TGM2: variants seen among roughly 807,000 people sequenced by gnomAD.
The protein encoded by TGM2 is transglutaminase 2.
Under a neutral mutation model 75.6 loss-of-function variants are expected in TGM2, and 53 were observed. The observed-to-expected ratio is 0.70, with a 90% CI of 0.56 to 0.88. The LOEUF (loss-of-function observed/expected upper bound fraction) is 0.88. Among genes scored for constraint, TGM2 ranks in the 40% least tolerant of loss-of-function variants. The pLI is 0.00. For missense variants in TGM2, 842 were observed against 928.5 expected (o/e 0.91, Z 1.21); for synonymous variants, 374 against 381.1 (o/e 0.98, Z 0.22).
At chr20:38,168,438 A>G (rs2075326073), upstream of TGM2, among the ~76,000 whole-genome samples, 1 of 152,164 alleles carries the variant, frequency 6.6e-6, no homozygotes, top group African/African-American at 2.4e-5. Flanking sequence ...TGGCCTCAAG[A>G]TCCCCAGACA....
At chr20:38,149,784 A>C (rs1171402034) in intron 4 of TGM2, among the ~76,000 whole-genome samples, 3 of 152,016 alleles carry the variant, frequency 2.0e-5, no homozygotes, top group African/African-American at 7.3e-5. Flanking sequence ...ATCAGAGCCA[A>C]TTCATTTTCT....
rs144545317 is a variant in TGM2 at position 38,153,698 on chromosome 20, C to T, written c.433+2149G>A. Among the ~76,000 whole-genome samples, 254 of 152,200 alleles carry T rather than the reference C, an allele frequency of 1.7e-3. 5 individuals are homozygous for T. Among genetic ancestry groups the T allele is most frequent in the African/African-American group, 6.0e-3 (248 of 41,530 alleles). On this transcript the variant is annotated intron_variant, in intron 3 of 12. Coordinates refer to ENST00000361475, the MANE Select transcript of TGM2 (RefSeq NM_004613.4). ...AGACCTATAAAATACAGCAATTTCT[C>T]CAGGCACATACAGACTGACCTAAGG...
In TGM2 at chr20:38,165,223, T is replaced by C. The variant is rs2075299105; in HGVS notation, c.-25A>G. The C allele has an allele frequency of 6.2e-7, 1 of 1,612,754 alleles. No homozygotes were observed. Among genetic ancestry groups the C allele is most frequent in the Non-Finnish European group, 8.5e-7 (1 of 1,179,824 alleles). The stretch of plus-strand genomic sequence containing the variant: ...TGGTCGGGCGGGGGCGGTGGCTCCT[T>C]CCACTGGCGGCGAGACCCTCCAAGT... On this transcript the variant is annotated 5_prime_UTR_variant, in exon 1 of 13. Coordinates refer to ENST00000361475, the MANE Select transcript of TGM2 (RefSeq NM_004613.4).
chr20:38,141,563 C>T (rs2074975761), intron 7 of TGM2, among the ~76,000 whole-genome samples, 178 bp from the exon 8 acceptor site: 1 of 152,042 alleles, frequency 6.6e-6, no homozygotes, highest in South Asian at 2.1e-4. Flanking sequence ...TCACAGCACC[C>T]TCTCTAGCCA....
chr20:38,162,533 A>C (rs928813710), intron 1 of TGM2, among the ~76,000 whole-genome samples: 1 of 152,256 alleles, frequency 6.6e-6, no homozygotes. Context: ...TGAAAAAAAC[A>C]TTGAAGAGAG....
intron 10 of TGM2, 139 bp from the exon 11 acceptor site, chr20:38,132,639 C>A: frequency 8.4e-7 from 1 of 1,186,458 alleles, no homozygotes; most frequent in Admixed American, 1.7e-5. Flanking sequence ...GATCCCTGAA[C>A]TCCCCACTGT....
chr20:38,163,979 A>T (rs1433960601), intron 1 of TGM2, among the ~76,000 whole-genome samples: 1 of 152,094 alleles, frequency 6.6e-6, no homozygotes, highest in Non-Finnish European at 1.5e-5. Context: ...GATTTATAGG[A>T]TTTCTGCACT....
At chr20:38,151,131 G>C in intron 3 of TGM2, 74 bp from the exon 4 acceptor site, 1 of 1,144,020 alleles carries the variant, frequency 8.7e-7, no homozygotes, top group Non-Finnish European at 1.3e-6. Context: ...TGGAGTCAAG[G>C]GTGCCAATTC....
intron 8 of TGM2, among the ~76,000 whole-genome samples, chr20:38,141,062 G>T (rs986367411): frequency 1.3e-5 from 2 of 152,156 alleles, no homozygotes; most frequent in African/African-American, 2.4e-5. Context: ...TTTTCTTTGA[G>T]CTTCTCTGTA....
intron 10 of TGM2, among the ~76,000 whole-genome samples, chr20:38,137,287 C>A (rs1372039821): frequency 2.0e-5 from 3 of 152,124 alleles, no homozygotes; most frequent in Non-Finnish European, 4.4e-5. Context: ...GAGTCCGAGA[C>A]CAGCCTGGCC....
At chr20:38,159,870 T>C (rs774853856) in intron 2 of TGM2, among the ~76,000 whole-genome samples, 2 of 152,260 alleles carry the variant, frequency 1.3e-5, no homozygotes, top group Non-Finnish European at 2.9e-5. Flanking sequence ...CCCACAGATG[T>C]TGTGATTTTC....
chr20:38,141,539 C>G (rs6098085), intron 7 of TGM2, among the ~76,000 whole-genome samples, 154 bp from the exon 8 acceptor site: 7,331 of 152,170 alleles, frequency 0.048, 505 homozygotes, highest in African/African-American at 0.16. Context: ...TTCTTCCCCC[C>G]ACGGGGGCCC....
chr20:38,164,514 AG>A (rs1422751465), intron 1 of TGM2, among the ~76,000 whole-genome samples: 5 of 152,092 alleles, frequency 3.3e-5, no homozygotes, highest in Non-Finnish European at 7.4e-5. Flanking sequence ...GATGCACCAA[AG>A]GCTGGAGCAG....
At chr20:38,165,600 C>T (rs539123425), upstream of TGM2, among the ~76,000 whole-genome samples, 8 of 151,880 alleles carry the variant, frequency 5.3e-5, no homozygotes, top group African/African-American at 1.7e-4. Flanking sequence ...ACAACGGAAC[C>T]GGGGTGCACC....
At position 38,142,206 on chromosome 20, in the gene TGM2, G is replaced by A; in HGVS notation, c.860-7C>T. ...ATGCCCAGGCACCTCAGCACTGTTG[G>A]AGAGGAGTGGAAAGCGGGGTGAGGT... On this transcript the variant is annotated splice_region_variant and splice_polypyrimidine_tract_variant and intron_variant, in intron 6 of 12. Coordinates refer to ENST00000361475, the MANE Select transcript of TGM2 (RefSeq NM_004613.4). 1 of 1,614,126 alleles carries A rather than the reference G, an allele frequency of 6.2e-7. No individual in the cohort carries two copies. Among genetic ancestry groups the A allele is most frequent in the Non-Finnish European group, 8.5e-7 (1 of 1,179,988 alleles).
chr20:38,145,932 T>TTTTA (rs2075039634), intron 6 of TGM2: 1 of 151,924 alleles, frequency 6.6e-6, no homozygotes, highest in South Asian at 2.1e-4. Context: ...TGCCTGCTAA[T>TTTTA]TTTTATTTTA....
At chr20:38,134,851 A>G (rs909517431) in intron 10 of TGM2, among the ~76,000 whole-genome samples, 5 of 152,210 alleles carry the variant, frequency 3.3e-5, no homozygotes, top group Admixed American at 3.3e-4. Context: ...TTATCATCAA[A>G]GAATAACAAG....
chr20:38,158,570 G>A (rs1396409366), intron 2 of TGM2, among the ~76,000 whole-genome samples: 1 of 152,158 alleles, frequency 6.6e-6, no homozygotes, highest in South Asian at 2.1e-4. Flanking sequence ...CATTGTGACT[G>A]CCACACCCCC....
chr20:38,163,205 C>G (rs2075275213), intron 1 of TGM2, among the ~76,000 whole-genome samples: 3 of 152,034 alleles, frequency 2.0e-5, no homozygotes, highest in African/African-American at 7.2e-5. Flanking sequence ...TTGGCAAGCT[C>G]AAGGTCAGGA....
Sources: allele counts gnomAD v4.1 joint callset (sites outside exome capture counted in the v4.1 genomes callset), GRCh38; gene constraint gnomAD v4.1.1; transcripts MANE v1.5; gene names NCBI Gene and HGNC (gene_info 2026-07-23, HGNC 2026-07-21).